The following MGAT4C variants were observed in gnomAD, a reference collection of about 807,000 sequenced individuals.
The protein encoded by MGAT4C is MGAT4 family member C.
MGAT4C carries 19 observed loss-of-function variants against 40.1 expected under a neutral mutation model. The ratio of observed to expected loss-of-function variants is 0.47; its 90% CI spans 0.33 to 0.70. The LOEUF (loss-of-function observed/expected upper bound fraction) is 0.70, where lower values mean the gene tolerates loss of function less well. MGAT4C is among the 30% of genes least tolerant of loss of function. MGAT4C has a pLI of 0.02. For synonymous variants in MGAT4C, 181 were observed against 187.1 expected (o/e 0.97, Z 0.27); for missense variants, 491 against 563.2 (o/e 0.87, Z 1.30).
rs1874130700 is a variant in MGAT4C, at chr12:85,971,630, A to G, written c.*7659T>C. ...ACTTGACCTGTTTGTTCTAGTAAGTAAAAACACTAGATACGTACCAAAATT... is the reference window on the plus strand; with the variant it reads ...ACTTGACCTGTTTGTTCTAGTAAGTGAAAACACTAGATACGTACCAAAATT... On this transcript the variant is annotated 3_prime_UTR_variant, in exon 5 of 5. Coordinates refer to ENST00000611864, the MANE Select transcript of MGAT4C (RefSeq NM_001351288.2). 1 of 151,258 alleles carries G rather than the reference A, an allele frequency of 6.6e-6. No homozygotes were observed. Among genetic ancestry groups the G allele is most frequent in the African/African-American group, 2.4e-5 (1 of 41,362 alleles). The allele number at this position is 151,258 out of a possible 1,614,324, so 9.4% of individuals were successfully genotyped here.
chr12:86,403,277 A>G (rs976726193), intron 3 of MGAT4C, among the ~76,000 whole-genome samples: 1 of 152,194 alleles, frequency 6.6e-6, no homozygotes, highest in African/African-American at 2.4e-5. Context: ...ACAGGGAATG[A>G]TGCTTTAATA....
chr12:86,421,454 GC>G (rs1191941213), intron 3 of MGAT4C, among the ~76,000 whole-genome samples: 1 of 151,996 alleles, frequency 6.6e-6, no homozygotes, highest in Non-Finnish European at 1.5e-5. Flanking sequence ...TTAATGATTT[GC>G]CAAGCAGCCT....
intron 2 of MGAT4C, among the ~76,000 whole-genome samples, chr12:86,004,203 T>C (rs1182727001): frequency 1.3e-5 from 2 of 152,176 alleles, no homozygotes; most frequent in Non-Finnish European, 2.9e-5. Flanking sequence ...GAAAAGACAC[T>C]TTCAAATAAG....
At chr12:86,594,725 G>C (rs1392109101) in intron 2 of MGAT4C, among the ~76,000 whole-genome samples, 8 of 152,202 alleles carry the variant, frequency 5.3e-5, no homozygotes, top group Non-Finnish European at 1.0e-4. Flanking sequence ...ATCAGGTTCA[G>C]AGAACTCCAG....
intron 4 of MGAT4C, among the ~76,000 whole-genome samples, chr12:86,305,455 AAAAG>A (rs1414088770): frequency 6.7e-6 from 1 of 149,940 alleles, no homozygotes; most frequent in Non-Finnish European, 1.5e-5. Context: ...AAAAAAAAAA[AAAAG>A]AAAGAAAGAA....
intron 2 of MGAT4C, among the ~76,000 whole-genome samples, chr12:86,694,864 T>A (rs1294960028): frequency 6.6e-6 from 1 of 152,066 alleles, no homozygotes; most frequent in Non-Finnish European, 1.5e-5. Flanking sequence ...GGGCAAAAAA[T>A]TTCCCGAGTA....
chr12:86,069,007 T>C (rs1191593676), intron 1 of MGAT4C, among the ~76,000 whole-genome samples: 1 of 152,132 alleles, frequency 6.6e-6, no homozygotes, highest in Non-Finnish European at 1.5e-5. Flanking sequence ...TGGTCATTAA[T>C]AGTTTGTTAA....
intron 2 of MGAT4C, among the ~76,000 whole-genome samples, chr12:86,646,325 A>G (rs1372017945): frequency 3.3e-5 from 5 of 151,834 alleles, no homozygotes; most frequent in Non-Finnish European, 2.9e-5. Flanking sequence ...AAATTCACCT[A>G]ATTTATTCAA....
intron 2 of MGAT4C, among the ~76,000 whole-genome samples, chr12:86,664,269 C>T (rs1207074909): frequency 6.6e-6 from 1 of 151,932 alleles, no homozygotes; most frequent in East Asian, 1.9e-4. Flanking sequence ...CTGTCCTCCC[C>T]TTCCTTTCTT....
intron 1 of MGAT4C, among the ~76,000 whole-genome samples, chr12:86,827,471 C>T (rs1283850530): frequency 6.6e-6 from 1 of 151,190 alleles, no homozygotes; most frequent in African/African-American, 2.4e-5. Context: ...ACTACCAGGT[C>T]AGAATCAAAA....
chr12:86,666,932 G>C lies in MGAT4C; in HGVS notation c.-229+60277C>G, dbSNP rs114998257. Among the ~76,000 whole-genome samples, 744 of 152,260 alleles carry C rather than the reference G, an allele frequency of 4.9e-3. 3 individuals carry two copies. Among genetic ancestry groups the C allele is most frequent in the African/African-American group, 0.017 (725 of 41,544 alleles). ...TTTTATAGTACTGAAGCCCAATGCT[G>C]TCATCAGAATCAATAGAAACTTGTG... On this transcript the variant is annotated intron_variant, in intron 2 of 7. Transcript: ENST00000548651.
chr12:86,587,924 A>C (rs1216976357), intron 2 of MGAT4C, among the ~76,000 whole-genome samples: 1 of 151,782 alleles, frequency 6.6e-6, no homozygotes, highest in Non-Finnish European at 1.5e-5. Flanking sequence ...TCTTTTCCTA[A>C]TTGAATACCC....
intron 3 of MGAT4C, among the ~76,000 whole-genome samples, chr12:86,408,102 G>T (rs896638225): frequency 6.6e-6 from 1 of 151,170 alleles, no homozygotes; most frequent in African/African-American, 2.4e-5. Flanking sequence ...ACACATACAC[G>T]CACACACACA....
At chr12:86,722,080 ATGGC>A (rs1950745808) in intron 2 of MGAT4C, among the ~76,000 whole-genome samples, 1 of 152,152 alleles carries the variant, frequency 6.6e-6, no homozygotes, top group East Asian at 1.9e-4. Context: ...GAAGAATGTT[ATGGC>A]TGGGTGAGCA....
chr12:86,788,909 T>C (rs1951978604), intron 1 of MGAT4C, among the ~76,000 whole-genome samples: 1 of 152,154 alleles, frequency 6.6e-6, no homozygotes, highest in South Asian at 2.1e-4. Context: ...AGCCAATGTA[T>C]AAAATCAACA....
intron 3 of MGAT4C, among the ~76,000 whole-genome samples, chr12:86,353,513 G>A (rs970490809): frequency 4.3e-4 from 66 of 152,206 alleles, no homozygotes; most frequent in African/African-American, 1.5e-3. Flanking sequence ...TCTCATTGTG[G>A]TGCAGACTCT....
At chr12:86,835,936 T>C (rs1267053984) in intron 1 of MGAT4C, among the ~76,000 whole-genome samples, 1 of 151,794 alleles carries the variant, frequency 6.6e-6, no homozygotes, top group African/African-American at 2.4e-5. Flanking sequence ...TGGGAAAATA[T>C]GTGAGAAAAT....
chr12:86,563,202 CAT>C (rs1210013353), intron 2 of MGAT4C, among the ~76,000 whole-genome samples: 1 of 152,166 alleles, frequency 6.6e-6, no homozygotes, highest in Non-Finnish European at 1.5e-5. Context: ...CAGTGGGAAC[CAT>C]AGTCACTCAA....
chr12:86,664,782 T>C (rs1002448404), intron 2 of MGAT4C, among the ~76,000 whole-genome samples: 4 of 152,176 alleles, frequency 2.6e-5, no homozygotes, highest in Non-Finnish European at 5.9e-5. Context: ...ATTAAATATA[T>C]TTACTATAGA....
Sources: gnomAD v4.1 joint callset for allele counts (sites outside exome capture counted in the v4.1 genomes callset) on GRCh38, gnomAD v4.1.1 for gene constraint, MANE v1.5 for transcripts, NCBI Gene and HGNC (gene_info 2026-07-23, HGNC 2026-07-21) for gene names.